CACNA1C: variants seen among roughly 807,000 people sequenced by gnomAD.
The protein encoded by CACNA1C is calcium voltage-gated channel subunit alpha1 C.
In CACNA1C, 30 loss-of-function variants were observed where a neutral mutation model predicts 229.0. The observed-to-expected ratio is 0.13, with a 90% CI of 0.10 to 0.18. The LOEUF (loss-of-function observed/expected upper bound fraction) is 0.18. CACNA1C is among the 10% of genes least tolerant of loss of function. The probability of loss-of-function intolerance (pLI) is 1.00; values close to 1 mark genes in which losing one functional copy is unlikely to be tolerated. For synonymous variants in CACNA1C, 1,114 were observed against 1,132.5 expected, an observed-to-expected ratio of 0.98 and a Z score of 0.33; for missense variants, 1,658 against 2,845.0, an observed-to-expected ratio of 0.58 and a Z score of 9.49.
chr12:2,457,331 C>A (rs2099437734), intron 4 of CACNA1C, among the ~76,000 whole-genome samples: 1 of 152,218 alleles, frequency 6.6e-6, no homozygotes, highest in Non-Finnish European at 1.5e-5. Flanking sequence ...GGGCCTGCCC[C>A]TCAGCTCGCT....
At chr12:2,572,500 T>C (rs2055954823) in intron 13 of CACNA1C, among the ~76,000 whole-genome samples, 1 of 81,286 alleles carries the variant, frequency 1.2e-5, no homozygotes, top group South Asian at 7.1e-4. Context: ...CCTCCTCCTC[T>C]CCTGCTCCTT....
rs1405873819 is a variant in CACNA1C at position 2,403,433 on chromosome 12, GA to G, written c.478-45542del. 1.3e-5 allele frequency among the ~76,000 whole-genome samples: 2 copies of G among 152,124 alleles called. No homozygotes were observed. Among genetic ancestry groups the G allele is most frequent in the African/African-American group, 4.8e-5 (2 of 41,432 alleles). ...CAGGGAGGAGGGTTTAGAAGTCAAG[GA>G]GGAAGCTGCAGGCACGTGACTCCTG... On this transcript the variant is annotated intron_variant, in intron 3 of 46. Coordinates refer to ENST00000399655, the MANE Select transcript of CACNA1C (RefSeq NM_000719.7). The surrounding 1 kb of genome is among the most constrained non-coding windows in gnomAD (Gnocchi z 4.1).
chr12:2,577,921 T>G (rs1241158791), intron 13 of CACNA1C, among the ~76,000 whole-genome samples: 5 of 149,818 alleles, frequency 3.3e-5, no homozygotes, highest in East Asian at 2.0e-4. Context: ...CAGGCTGGAG[T>G]GCAGTGGCGC....
intron 3 of CACNA1C, among the ~76,000 whole-genome samples, chr12:2,389,917 A>T (rs1392127969): frequency 1.3e-5 from 2 of 151,916 alleles, no homozygotes; most frequent in Non-Finnish European, 2.9e-5. Flanking sequence ...CTTACTTCTC[A>T]TTTGTCAGAG....
At chr12:2,160,447 G>A (rs2095799899) in intron 3 of CACNA1C, among the ~76,000 whole-genome samples, 1 of 152,188 alleles carries the variant, frequency 6.6e-6, no homozygotes, top group Non-Finnish European at 1.5e-5. Flanking sequence ...GCAAAAAGGG[G>A]CCACCACAGA....
At chr12:2,615,226 C>T (rs1011540379) in intron 29 of CACNA1C, among the ~76,000 whole-genome samples, 2 of 152,130 alleles carry the variant, frequency 1.3e-5, no homozygotes, top group Admixed American at 6.5e-5. Context: ...CTGGGCAGCA[C>T]GAAAAGTGCT....
rs534988753 is a variant in CACNA1C, at chr12:2,619,870, G to C, written c.3828+7857G>C. 2.1e-4 allele frequency among the ~76,000 whole-genome samples: 32 copies of C among 152,208 alleles called. No homozygotes were observed. The South Asian group carries it at 6.4e-3, about 31-fold the overall frequency. Reference sequence around the variant, plus strand: ...ATCATGAATACAAGCAGGTAGGTAAGGCCACACTTGCCTGGGGCGACTTTG... The same window carrying C: ...ATCATGAATACAAGCAGGTAGGTAACGCCACACTTGCCTGGGGCGACTTTG... On this transcript the variant is annotated intron_variant, in intron 29 of 46. Transcript: ENST00000399655.
In CACNA1C at chr12:2,285,986, G is replaced by C. The variant is rs910446174; in HGVS notation, c.478-162990G>C. 6.6e-6 allele frequency among the ~76,000 whole-genome samples: 1 copy of C among 152,142 alleles called. No individual in the cohort carries two copies. The stretch of plus-strand genomic sequence containing the variant: ...GTTTGAGGCCCAGGGACATTTCCCA[G>C]GGGATGAACTCTAACTAAAAATGAA... On this transcript the variant is annotated intron_variant, in intron 3 of 46. Transcript: ENST00000399655. The surrounding 1 kb of genome is among the most constrained non-coding windows in gnomAD (Gnocchi z 4.2).
In CACNA1C at chr12:2,566,630, C is replaced by T; in HGVS notation, c.1669+48C>T. On this transcript the variant is annotated intron_variant, in intron 12 of 46. Transcript: ENST00000399655. The surrounding 1 kb of genome is among the most constrained non-coding windows in gnomAD (Gnocchi z 4.0). ...CTCTGGTTTCCTCCTGGTAACTCAG[C>T]CCCAAGGCCCAGGGGAGGGCATAAC... The T allele has an allele frequency of 6.6e-7, 1 of 1,508,612 alleles. No homozygotes were observed. Among genetic ancestry groups the T allele is most frequent in the Non-Finnish European group, 9.0e-7 (1 of 1,111,518 alleles). The allele number at this position is 1,508,612 out of a possible 1,614,324, so 93.5% of individuals were successfully genotyped here. A position where few individuals can be genotyped will look rare whatever the true frequency, so the allele number is the denominator to read the frequency against.
In CACNA1C at chr12:2,504,710, G is replaced by T; in HGVS notation, c.1114-132G>T. On this transcript the variant is annotated intron_variant, in intron 7 of 46. Transcript: ENST00000399655. This position sits in a 1 kb window ranked among gnomAD's most constrained non-coding sequence, Gnocchi z 6.8. ...GACCCATTGGCCAGGCAGGCTGTTT[G>T]GCCTCTGATTTGCACCTAGAGGGTC... The T allele has an allele frequency of 2.7e-6, 2 of 745,824 alleles. No homozygotes were observed. Among genetic ancestry groups the T allele is most frequent in the Non-Finnish European group, 4.7e-6 (2 of 421,160 alleles). The allele number at this position is 745,824 out of a possible 1,614,324, so 46.2% of individuals were successfully genotyped here.
intron 3 of CACNA1C, among the ~76,000 whole-genome samples, chr12:2,124,754 A>T (rs1474241319): frequency 6.6e-6 from 1 of 152,076 alleles, no homozygotes; most frequent in Non-Finnish European, 1.5e-5. Flanking sequence ...GGCTCCCAGG[A>T]TGGTGATACG....
At position 2,652,289 on chromosome 12, in the gene CACNA1C, G is replaced by A. The variant is rs146966001; in HGVS notation, c.4074+521G>A. Among the ~76,000 whole-genome samples, 327 of 152,278 alleles carry A rather than the reference G, an allele frequency of 2.1e-3. 3 individuals are homozygous for A. Among genetic ancestry groups the A allele is most frequent in the Non-Finnish European group, 7.1e-4 (48 of 68,022 alleles). On this transcript the variant is annotated intron_variant, in intron 32 of 46. Coordinates refer to ENST00000399655, the MANE Select transcript of CACNA1C (RefSeq NM_000719.7). ...CTCCGCTCGGCTAGAGAGGCCCTTC[G>A]AATGGGCCCAGGACTGCCTGGCCAT...
At position 2,630,062 on chromosome 12, in the gene CACNA1C, C is replaced by T. The variant is rs1234153593; in HGVS notation, c.3829-4235C>T. ...GCTTCCAGCTGCAAAAACGCTTTCC[C>T]TTCTGGGCAGCCCGCCCTGCGTGGC... On this transcript the variant is annotated intron_variant, in intron 29 of 46. Transcript: ENST00000399655. This position sits in a 1 kb window ranked among gnomAD's most constrained non-coding sequence, Gnocchi z 5.4. 6.6e-6 allele frequency among the ~76,000 whole-genome samples: 1 copy of T among 152,200 alleles called. No homozygotes were observed. Among genetic ancestry groups the T allele is most frequent in the Non-Finnish European group, 1.5e-5 (1 of 68,040 alleles).
At chr12:2,138,870 G>A (rs2093838981) in intron 3 of CACNA1C, among the ~76,000 whole-genome samples, 1 of 150,334 alleles carries the variant, frequency 6.7e-6, no homozygotes, top group Admixed American at 6.7e-5. Context: ...AATCCCCAAG[G>A]CCCAGACTTG....
intron 30 of CACNA1C, among the ~76,000 whole-genome samples, chr12:2,638,845 C>T (rs1196693365): frequency 2.0e-5 from 3 of 152,252 alleles, no homozygotes; most frequent in South Asian, 2.1e-4. Context: ...TGCCAGAGCA[C>T]AGTTTTGACG....
Position 2,647,266 on chromosome 12 carries a change from G to A in CACNA1C, c.3913-1209G>A, listed in dbSNP as rs1049300779. Among the ~76,000 whole-genome samples the A allele has an allele frequency of 6.6e-6, 1 of 152,198 alleles. No individual in the cohort carries two copies. Among genetic ancestry groups the A allele is most frequent in the Non-Finnish European group, 1.5e-5 (1 of 68,028 alleles). On this transcript the variant is annotated intron_variant, in intron 30 of 46. Transcript: ENST00000399655. The surrounding 1 kb of genome is among the most constrained non-coding windows in gnomAD (Gnocchi z 4.2). The stretch of plus-strand genomic sequence containing the variant: ...CTAGAAAGAGTTAGCAGCTCAGATG[G>A]TCAAGATCAGTCGGGGCTGAGCCCT...
chr12:2,256,556 C>T (rs2077947817), intron 3 of CACNA1C, among the ~76,000 whole-genome samples: 2 of 152,124 alleles, frequency 1.3e-5, no homozygotes, highest in Non-Finnish European at 2.9e-5. Flanking sequence ...GTACAGGGTT[C>T]TTGAGTTGAT....
chr12:2,276,572 A>G (rs936198421), intron 3 of CACNA1C, among the ~76,000 whole-genome samples: 7 of 152,206 alleles, frequency 4.6e-5, no homozygotes, highest in African/African-American at 2.4e-5. Context: ...TTAGAGCTCC[A>G]TGGAGTATAG....
chr12:2,380,030 C>CAAAA (rs1172016514), intron 3 of CACNA1C, among the ~76,000 whole-genome samples: 6 of 80,154 alleles, frequency 7.5e-5, no homozygotes, highest in Admixed American at 7.4e-4. Context: ...GACTCCGTCT[C>CAAAA]AAAAAAAAAA....
Sources: gnomAD v4.1 joint callset for allele counts (sites outside exome capture counted in the v4.1 genomes callset) on GRCh38, gnomAD v4.1.1 for gene constraint, Gnocchi (gnomAD v3.1) non-coding constraint, MANE v1.5 for transcripts, NCBI Gene and HGNC (gene_info 2026-07-23, HGNC 2026-07-21) for gene names.